BEND7: variants seen among roughly 807,000 people sequenced by gnomAD.
BEND7 encodes the protein BEN domain-containing protein 7.
Under a neutral mutation model 50.9 loss-of-function variants are expected in BEND7, and 28 were observed. That is an observed-to-expected ratio of 0.55 (90% CI 0.41 to 0.75). The LOEUF (loss-of-function observed/expected upper bound fraction) is 0.75. Ranked by LOEUF, BEND7 falls within the 30% of genes least tolerant of loss-of-function variation. The pLI, the probability that BEND7 is intolerant of heterozygous loss-of-function variation, is 0.00. For synonymous variants in BEND7, 170 were observed against 183.9 expected, an observed-to-expected ratio of 0.92 and a Z score of 0.61; for missense variants, 477 against 491.3, an observed-to-expected ratio of 0.97 and a Z score of 0.28.
At chr10:13,476,078 AAATAG>A (rs2131619998) in intron 6 of BEND7, among the ~76,000 whole-genome samples, 1 of 152,362 alleles carries the variant, frequency 6.6e-6, no homozygotes, top group Non-Finnish European at 1.5e-5. Flanking sequence ...ACGTGAGATC[AAATAG>A]AAAAGAGCTA....
chr10:13,447,100 C>G (rs754323022), intron 8 of BEND7, 166 bp downstream of exon 8: 268 of 686,562 alleles, frequency 3.9e-4, no homozygotes, highest in Admixed American at 5.3e-4. Context: ...TGAAAAACAT[C>G]TCTGAGTACG....
intron 2 of BEND7, chr10:13,503,088 A>C (rs887973764): frequency 5.3e-6 from 1 of 189,270 alleles, no homozygotes; most frequent in African/African-American, 2.4e-5. Flanking sequence ...ACTTATGCCT[A>C]TGAAAAGTAC....
Position 13,491,333 on chromosome 10 carries a change from T to A in BEND7, c.837+1278A>T, listed in dbSNP as rs76330650. On this transcript the variant is annotated intron_variant, in intron 5 of 8. Coordinates refer to ENST00000466271, the MANE Select transcript of BEND7 (RefSeq NM_001369863.1). ...GTCTAAAAAAAAAAAAAAAAAAAAA[T>A]GCTTAGAAAATTTAAGGACTGAATG... is the stretch of plus-strand genomic sequence containing the variant. Among the ~76,000 whole-genome samples, 1,307 of 134,866 alleles carry A rather than the reference T, an allele frequency of 9.7e-3. 17 individuals carry two copies. The highest frequency in any genetic ancestry group is 0.027 in the African/African-American group (921 of 34,736). 88.5% of individuals were successfully genotyped at this position (134,866 alleles called of 152,430 possible).
At position 13,441,638 on chromosome 10, in the gene BEND7, T is replaced by TA. The variant is rs1274066049; in HGVS notation, c.*104dup. ...TTTAACACGGCGAAAGGTCACCAAT[T>TA]AATCTTCTCCCTTCCCTTGGGTAGT... On this transcript the variant is annotated 3_prime_UTR_variant, in exon 9 of 9. Coordinates refer to ENST00000466271, the MANE Select transcript of BEND7 (RefSeq NM_001369863.1). The TA allele has an allele frequency of 1.3e-5, 20 of 1,586,022 alleles. No individual in the cohort carries two copies. Among genetic ancestry groups the TA allele is most frequent in the Middle Eastern group, 3.4e-4 (2 of 5,938 alleles).
In BEND7 at chr10:13,481,028, A is replaced by G; in HGVS notation, c.934T>C (p.Phe312Leu). The G allele has an allele frequency of 1.9e-6, 3 of 1,614,192 alleles. No homozygotes were observed. Among genetic ancestry groups the G allele is most frequent in the Non-Finnish European group, 2.5e-6 (3 of 1,180,046 alleles). Residue 312 changes from phenylalanine to leucine, a missense_variant, in exon 6 of 9, where the codon TTT becomes CTT. By Grantham distance (22) the Phe-to-Leu change is conservative (BLOSUM62 0). This residue lies in a region of BEND7 where 396 missense variants were observed against 384.2 expected (regional missense o/e 1.03). Transcript: ENST00000466271. ...SNYTRSGSLL[F>L]RKLVCAFFDD... ...AAAAACGCACACACCAGTTTTCTAA[A>G]CAGAAGGCTTCCTGAGCGAGTGTAG...
At chr10:13,439,180 A>G, downstream of BEND7, 1 of 1,610,466 alleles carries the variant, frequency 6.2e-7, no homozygotes, top group African/African-American at 1.3e-5. Context: ...TTTCAGAGAG[A>G]GAGGCAAGAG....
chr10:13,469,214 C>A (rs922346202), intron 6 of BEND7, among the ~76,000 whole-genome samples: 74 of 152,144 alleles, frequency 4.9e-4, no homozygotes, highest in African/African-American at 1.8e-3. Flanking sequence ...CTGAGAAATA[C>A]TATGAGCTGA....
chr10:13,441,222 A>G lies in BEND7; in HGVS notation c.*521T>C, dbSNP rs1835270752. On this transcript the variant is annotated 3_prime_UTR_variant, in exon 9 of 9. Coordinates refer to ENST00000466271, the MANE Select transcript of BEND7 (RefSeq NM_001369863.1). ...GAATTCTTTTTTAAAGAACATAGTAATTTTAAAAAATCTAAATATTTACAT... is the reference window on the plus strand; with the variant it reads ...GAATTCTTTTTTAAAGAACATAGTAGTTTTAAAAAATCTAAATATTTACAT... The G allele has an allele frequency of 2.2e-6, 2 of 917,134 alleles. No individual in the cohort carries two copies. Among genetic ancestry groups the G allele is most frequent in the African/African-American group, 1.8e-5 (1 of 55,738 alleles). The allele number at this position is 917,134 out of a possible 1,614,324, so 56.8% of individuals were successfully genotyped here.
intron 2 of BEND7, among the ~76,000 whole-genome samples, chr10:13,518,937 A>C (rs537742579): frequency 6.6e-6 from 1 of 152,346 alleles, no homozygotes; most frequent in Non-Finnish European, 1.5e-5. Flanking sequence ...CAAAGGATCC[A>C]AAATGAACTC....
At chr10:13,466,516 A>G (rs1461050473) in intron 6 of BEND7, among the ~76,000 whole-genome samples, 1 of 152,066 alleles carries the variant, frequency 6.6e-6, no homozygotes, top group African/African-American at 2.4e-5. Context: ...CCAAGATCAC[A>G]CCACTGCAGT....
At position 13,441,294 on chromosome 10, in the gene BEND7, T is replaced by C. The variant is rs1050580481; in HGVS notation, c.*449A>G. 5.2e-6 allele frequency: 5 copies of C among 966,252 alleles called. No homozygotes were observed. Among genetic ancestry groups the C allele is most frequent in the African/African-American group, 1.8e-5 (1 of 55,882 alleles). The allele number at this position is 966,252 out of a possible 1,614,324, so 59.9% of individuals were successfully genotyped here. ...AAGATTGAGACATTATCCATAGATA[T>C]GGATTTTTTTTTTGCTAAGAAAGCC... On this transcript the variant is annotated 3_prime_UTR_variant, in exon 9 of 9. Coordinates refer to ENST00000466271, the MANE Select transcript of BEND7 (RefSeq NM_001369863.1).
chr10:13,489,675 ATATTTACC>A (rs1564348004), intron 5 of BEND7, among the ~76,000 whole-genome samples: 1 of 152,176 alleles, frequency 6.6e-6, no homozygotes, highest in Admixed American at 6.5e-5. Context: ...TACTGTTTGT[ATATTTACC>A]AAACAGTATA....
intron 7 of BEND7, among the ~76,000 whole-genome samples, chr10:13,449,228 T>C (rs1837144853): frequency 6.6e-6 from 1 of 152,206 alleles, no homozygotes; most frequent in Admixed American, 6.5e-5. Flanking sequence ...GAAGACATTA[T>C]TTTCTTCTAA....
chr10:13,457,435 C>T (rs1329124068), intron 6 of BEND7, among the ~76,000 whole-genome samples: 1 of 152,130 alleles, frequency 6.6e-6, no homozygotes, highest in East Asian at 1.9e-4. Context: ...TAGAAAGAAG[C>T]CAAGAAAATC....
At chr10:13,524,207 G>GA (rs2079274663) in intron 2 of BEND7, among the ~76,000 whole-genome samples, 1 of 152,204 alleles carries the variant, frequency 6.6e-6, no homozygotes, top group Non-Finnish European at 1.5e-5. Flanking sequence ...GTACACAACA[G>GA]AAAGTGCGGG....
chr10:13,529,328 G>C (rs1304803670), upstream of BEND7, among the ~76,000 whole-genome samples: 5 of 151,534 alleles, frequency 3.3e-5, no homozygotes, highest in East Asian at 3.9e-4. Context: ...ACCTCGCCGT[G>C]GGGGCGCGGA....
At chr10:13,479,867 A>C (rs1307831508) in intron 6 of BEND7, among the ~76,000 whole-genome samples, 1 of 152,222 alleles carries the variant, frequency 6.6e-6, no homozygotes, top group Non-Finnish European at 1.5e-5. Context: ...TAAATACCGT[A>C]TTATTTTATA....
chr10:13,439,451 C>T (rs775281585), downstream of BEND7: 6 of 1,613,658 alleles, frequency 3.7e-6, no homozygotes, highest in African/African-American at 1.3e-5. Flanking sequence ...CTAGGGTCAC[C>T]GCTGCACTCC....
intron 1 of BEND7, among the ~76,000 whole-genome samples, chr10:13,526,860 T>C (rs2079482174): frequency 6.6e-6 from 1 of 152,052 alleles, no homozygotes; most frequent in African/African-American, 2.4e-5. Context: ...AGACCTATAA[T>C]TAAAAGAAAA....
Sources: allele counts gnomAD v4.1 joint callset (sites outside exome capture counted in the v4.1 genomes callset), GRCh38; gene constraint gnomAD v4.1.1; regional missense constraint gnomAD v4.1.1; transcripts MANE v1.5; gene names NCBI Gene and HGNC (gene_info 2026-07-23, HGNC 2026-07-21).